Variants in ANO4 observed in about 807,000 individuals in gnomAD.
The protein encoded by ANO4 is anoctamin 4, also known as anoctamin-4.
ANO4 carries 69 observed loss-of-function variants against 141.9 expected under a neutral mutation model. That is an observed-to-expected ratio of 0.49 (90% CI 0.40 to 0.59). The LOEUF is 0.59. Ranked by LOEUF, ANO4 falls within the 20% of genes least tolerant of loss-of-function variation. The pLI, the probability that ANO4 is intolerant of heterozygous loss-of-function variation, is 0.00. For missense variants in ANO4, 894 were observed against 1,162.2 expected, an observed-to-expected ratio of 0.77 and a Z score of 3.36; for synonymous variants, 350 against 394.3, an observed-to-expected ratio of 0.89 and a Z score of 1.33.
intron 1 of ANO4, among the ~76,000 whole-genome samples, chr12:100,880,781 G>A (rs146668307): frequency 6.6e-6 from 1 of 152,136 alleles, no homozygotes; most frequent in African/African-American, 2.4e-5. Flanking sequence ...TCTATATGGC[G>A]AATGTAACTT....
intron 3 of ANO4, among the ~76,000 whole-genome samples, chr12:100,763,080 C>T (rs1008511046): frequency 1.3e-4 from 20 of 152,170 alleles, no homozygotes; most frequent in Admixed American, 4.6e-4. Flanking sequence ...TTTGAACCAG[C>T]GTTGTCTGGT....
chr12:101,065,108 A>C (rs746587202), intron 14 of ANO4, among the ~76,000 whole-genome samples: 6 of 152,178 alleles, frequency 3.9e-5, no homozygotes, highest in Admixed American at 2.0e-4. Context: ...AAAAGGTGAA[A>C]GTTCTCAACT....
rs567440920 is a variant in ANO4 at position 100,826,994 on chromosome 12, C to T, written c.-141+31967C>T. ...TCCCTGTAATGGACTTCTAACTGGC[C>T]GTCCTACTTATGTCCTTCTACTTCC... On this transcript the variant is annotated intron_variant, in intron 1 of 27. Coordinates refer to ENST00000392977, the MANE Select transcript of ANO4 (RefSeq NM_001286615.2). Among the ~76,000 whole-genome samples the T allele has an allele frequency of 3.4e-4, 51 of 152,102 alleles. No homozygotes were observed. The South Asian group carries it at 9.5e-3, about 28-fold the overall frequency.
At chr12:101,066,622 C>T in intron 14 of ANO4, 1 of 521,738 alleles carries the variant, frequency 1.9e-6, no homozygotes, top group East Asian at 3.0e-5. Context: ...TCTAGAGATG[C>T]CCTGCTGGGA....
intron 5 of ANO4, among the ~76,000 whole-genome samples, chr12:100,962,503 C>G (rs1008662874): frequency 2.0e-5 from 3 of 152,216 alleles, no homozygotes; most frequent in African/African-American, 7.2e-5. Flanking sequence ...GGTCAGGAGT[C>G]TGGGTACAGC....
At chr12:101,069,825 G>T (rs528520283) in intron 14 of ANO4, among the ~76,000 whole-genome samples, 2 of 151,982 alleles carry the variant, frequency 1.3e-5, no homozygotes, top group African/African-American at 2.4e-5. Context: ...AAGTATCTAC[G>T]GGTATATATG....
chr12:101,042,073 G>T (rs966830546), intron 11 of ANO4, among the ~76,000 whole-genome samples: 1 of 152,100 alleles, frequency 6.6e-6, no homozygotes, highest in Non-Finnish European at 1.5e-5. Flanking sequence ...GCCCCTTCCA[G>T]TCCATTCTGT....
At chr12:100,958,288 T>G (rs2043260692) in intron 5 of ANO4, among the ~76,000 whole-genome samples, 1 of 152,236 alleles carries the variant, frequency 6.6e-6, no homozygotes, top group South Asian at 2.1e-4. Flanking sequence ...GTACTTTTGC[T>G]TCGTCCTCTC....
At chr12:101,020,923 C>T (rs188643325) in intron 9 of ANO4, among the ~76,000 whole-genome samples, 15 of 152,166 alleles carry the variant, frequency 9.9e-5, no homozygotes, top group Admixed American at 9.2e-4. Context: ...AGGGTCTAAT[C>T]AGGAGACAAA....
chr12:101,121,971 A>T (rs1218634799), intron 26 of ANO4, among the ~76,000 whole-genome samples: 1 of 152,016 alleles, frequency 6.6e-6, no homozygotes, highest in Non-Finnish European at 1.5e-5. Flanking sequence ...TGTCTTGGCC[A>T]GGCTGGTCTT....
rs1449019510 is a variant in ANO4 at position 100,920,554 on chromosome 12, A to G, written c.56-1672A>G. On this transcript the variant is annotated intron_variant, in intron 2 of 27. Transcript: ENST00000392977. ...GAAGTAACTGGCCATGGAAGAAAAA[A>G]GCAAATAACCCATTTTAATTCTGGA... 2.7e-5 allele frequency among the ~76,000 whole-genome samples: 4 copies of G among 147,998 alleles called. No homozygotes were observed. The South Asian group carries it at 6.5e-4, about 24-fold the overall frequency.
intron 3 of ANO4, among the ~76,000 whole-genome samples, chr12:100,772,467 C>G (rs78437202): frequency 1.3e-5 from 2 of 152,062 alleles, no homozygotes; most frequent in Non-Finnish European, 2.9e-5. Flanking sequence ...CCAACACAGA[C>G]GACATGTGAT....
At chr12:100,922,995 T>C (rs1236330084) in intron 3 of ANO4, among the ~76,000 whole-genome samples, 1 of 152,170 alleles carries the variant, frequency 6.6e-6, no homozygotes, top group Non-Finnish European at 1.5e-5. Flanking sequence ...TTATCAGAGC[T>C]CTAATTCTAG....
chr12:100,974,692 C>T, intron 6 of ANO4, 153 bp from the exon 7 acceptor site: 1 of 808,536 alleles, frequency 1.2e-6, no homozygotes, highest in South Asian at 1.3e-5. Flanking sequence ...CCTGTGTTCC[C>T]ACTGTATTTC....
At position 101,056,655 on chromosome 12, in the gene ANO4, C is replaced by T. The variant is rs1019740472; in HGVS notation, c.1312+8254C>T. On this transcript the variant is annotated intron_variant, in intron 14 of 27. Coordinates refer to ENST00000392977, the MANE Select transcript of ANO4 (RefSeq NM_001286615.2). Reference sequence around the variant, plus strand: ...CAAGTTATGTACTAGACATCCTTGCCTTATGCCCAGTCTTAGGGGAATGTG... The same window carrying T: ...CAAGTTATGTACTAGACATCCTTGCTTTATGCCCAGTCTTAGGGGAATGTG... 3.9e-5 allele frequency among the ~76,000 whole-genome samples: 6 copies of T among 151,952 alleles called. No homozygotes were observed. The South Asian group carries it at 1.0e-3, about 26-fold the overall frequency.
chr12:100,726,454 A>T (rs1387533670), intron 1 of ANO4, among the ~76,000 whole-genome samples: 1 of 152,174 alleles, frequency 6.6e-6, no homozygotes, highest in Admixed American at 6.5e-5. Flanking sequence ...GTCCTTAAAA[A>T]GTCTTTGGTT....
At chr12:100,902,444 TG>T (rs1181998282) in intron 2 of ANO4, among the ~76,000 whole-genome samples, 2 of 152,240 alleles carry the variant, frequency 1.3e-5, no homozygotes, top group African/African-American at 4.8e-5. Context: ...AAATATGTAT[TG>T]AGTGCCAGCT....
At chr12:100,746,473 C>A (rs1313579182) in intron 3 of ANO4, among the ~76,000 whole-genome samples, 5 of 118,448 alleles carry the variant, frequency 4.2e-5, no homozygotes, top group Admixed American at 1.6e-4. Flanking sequence ...GATCTTGAAT[C>A]TAGAAGAAAC....
intron 27 of ANO4, 99 bp downstream of exon 27, chr12:101,127,173 A>T: frequency 1.7e-6 from 2 of 1,209,006 alleles, no homozygotes. Flanking sequence ...AGTAACAGGG[A>T]TCAAAATAAA....
Sources: gnomAD v4.1 joint callset for allele counts (sites outside exome capture counted in the v4.1 genomes callset) on GRCh38, gnomAD v4.1.1 for gene constraint, MANE v1.5 for transcripts, NCBI Gene and HGNC (gene_info 2026-07-23, HGNC 2026-07-21) for gene names.